Variants in CADM2 observed in about 807,000 individuals in gnomAD.
CADM2 encodes cell adhesion molecule 2, also known as immunoglobulin superfamily member 4D.
Under a neutral mutation model 49.8 loss-of-function variants are expected in CADM2, and 12 were observed. That is an observed-to-expected ratio of 0.24 (90% CI 0.15 to 0.39). The LOEUF is 0.39. Among genes scored for constraint, CADM2 ranks in the 10% least tolerant of loss-of-function variants. The pLI, the probability that CADM2 is intolerant of heterozygous loss-of-function variation, is 1.00. For missense variants in CADM2, 378 were observed against 492.3 expected, an observed-to-expected ratio of 0.77 and a Z score of 2.20; for synonymous variants, 214 against 175.4, an observed-to-expected ratio of 1.22 and a Z score of -1.74.
At chr3:85,530,867 TACACACACACACACACAC>T (rs71617940) in intron 1 of CADM2, among the ~76,000 whole-genome samples, 5 of 136,936 alleles carry the variant, frequency 3.7e-5, no homozygotes, top group South Asian at 4.9e-4. Flanking sequence ...TATGTAAAAA[TACACACACACACACACAC>T]ACACACACAC....
At chr3:85,720,599 A>C (rs1056914213) in intron 1 of CADM2, among the ~76,000 whole-genome samples, 3 of 152,188 alleles carry the variant, frequency 2.0e-5, no homozygotes, top group Non-Finnish European at 4.4e-5. Flanking sequence ...GAAAAAATAA[A>C]AACTAGTGAA....
intron 1 of CADM2, among the ~76,000 whole-genome samples, chr3:85,039,368 A>ATT (rs11348826): frequency 1.4e-5 from 2 of 145,904 alleles, no homozygotes; most frequent in African/African-American, 5.0e-5. Flanking sequence ...AAGATAATGT[A>ATT]TTTTTTTTTT....
intron 1 of CADM2, among the ~76,000 whole-genome samples, chr3:85,530,995 A>G (rs1298975017): frequency 6.6e-6 from 1 of 151,998 alleles, no homozygotes; most frequent in Non-Finnish European, 1.5e-5. Flanking sequence ...GAGTTTTAAA[A>G]TACCCTCTCC....
At chr3:85,189,807 A>G (rs1297005607) in intron 1 of CADM2, among the ~76,000 whole-genome samples, 1 of 152,172 alleles carries the variant, frequency 6.6e-6, no homozygotes, top group Non-Finnish European at 1.5e-5. Context: ...TAACTGAAGA[A>G]AGATCTACTT....
At chr3:85,415,306 C>T (rs961652182) in intron 1 of CADM2, among the ~76,000 whole-genome samples, 4 of 151,802 alleles carry the variant, frequency 2.6e-5, no homozygotes, top group Non-Finnish European at 4.4e-5. Flanking sequence ...CCGGGTTCCC[C>T]TACTCGGGAA....
At chr3:85,195,156 C>A (rs535528787) in intron 1 of CADM2, among the ~76,000 whole-genome samples, 1 of 152,118 alleles carries the variant, frequency 6.6e-6, no homozygotes, top group African/African-American at 2.4e-5. Context: ...TGTCAAGAGG[C>A]AACATGATGT....
At chr3:85,349,402 G>C (rs1306404791) in intron 1 of CADM2, among the ~76,000 whole-genome samples, 1 of 152,084 alleles carries the variant, frequency 6.6e-6, no homozygotes, top group Non-Finnish European at 1.5e-5. Context: ...CAATTTCAGG[G>C]TATTATTGTT....
At chr3:86,023,725 A>G (rs1472018016) in intron 8 of CADM2, among the ~76,000 whole-genome samples, 3 of 152,092 alleles carry the variant, frequency 2.0e-5, no homozygotes, top group Admixed American at 2.0e-4. Context: ...TGCAACACCT[A>G]TCTTCCATGG....
chr3:85,337,159 A>G (rs1362801482), intron 1 of CADM2, among the ~76,000 whole-genome samples: 1 of 149,674 alleles, frequency 6.7e-6, no homozygotes, highest in Non-Finnish European at 1.5e-5. Context: ...TTGCTTTTAA[A>G]GCTCCTTCTC....
At chr3:85,301,113 T>A (rs1486473637) in intron 1 of CADM2, among the ~76,000 whole-genome samples, 1 of 151,868 alleles carries the variant, frequency 6.6e-6, no homozygotes, top group Non-Finnish European at 1.5e-5. Flanking sequence ...ATATGCAAAG[T>A]GGATATGGAA....
chr3:85,031,418 G>A (rs1227625742), intron 1 of CADM2, among the ~76,000 whole-genome samples: 1 of 152,094 alleles, frequency 6.6e-6, no homozygotes, highest in Non-Finnish European at 1.5e-5. Flanking sequence ...TGTGGATCCT[G>A]GAACTTAATC....
At chr3:85,372,955 G>T (rs936080895) in intron 1 of CADM2, among the ~76,000 whole-genome samples, 4 of 152,084 alleles carry the variant, frequency 2.6e-5, no homozygotes. Flanking sequence ...GACACATGGG[G>T]ATTATGGGAG....
intron 2 of CADM2, among the ~76,000 whole-genome samples, chr3:85,727,355 C>G (rs1217026232): frequency 2.6e-5 from 4 of 151,910 alleles, no homozygotes; most frequent in Non-Finnish European, 5.9e-5. Context: ...TTAACTATTC[C>G]CTATTTATAA....
chr3:85,578,099 G>C (rs1385290144), intron 1 of CADM2, among the ~76,000 whole-genome samples: 1 of 148,906 alleles, frequency 6.7e-6, no homozygotes. Context: ...TTTTGAGGCA[G>C]AGTTTCACTC....
chr3:85,081,841 G>A (rs2037176536), intron 1 of CADM2, among the ~76,000 whole-genome samples: 1 of 152,128 alleles, frequency 6.6e-6, no homozygotes, highest in Admixed American at 6.6e-5. Flanking sequence ...AAGAAGGAAT[G>A]TTTTCAAATA....
chr3:84,971,137 A>T (rs1229648239), intron 1 of CADM2, among the ~76,000 whole-genome samples: 1 of 152,140 alleles, frequency 6.6e-6, no homozygotes, highest in East Asian at 1.9e-4. Context: ...TCAGTTTGTT[A>T]TAAGAAAGAA....
At chr3:85,646,506 TCATA>T (rs930755798) in intron 1 of CADM2, among the ~76,000 whole-genome samples, 7 of 152,006 alleles carry the variant, frequency 4.6e-5, no homozygotes, top group Admixed American at 2.0e-4. Context: ...ATTCACTGTT[TCATA>T]CAGTCATATC....
chr3:85,307,928 C>A (rs201621654), intron 1 of CADM2, among the ~76,000 whole-genome samples: 1 of 144,258 alleles, frequency 6.9e-6, no homozygotes, highest in African/African-American at 2.7e-5. Context: ...AAAACTGTAC[C>A]CCCAGAAAAA....
intron 1 of CADM2, among the ~76,000 whole-genome samples, chr3:85,561,816 T>C (rs2062103940): frequency 1.3e-5 from 2 of 152,194 alleles, no homozygotes; most frequent in Non-Finnish European, 2.9e-5. Context: ...TTTTCGTTGA[T>C]CTAATTTAAG....
Sources: allele counts gnomAD v4.1 joint callset (sites outside exome capture counted in the v4.1 genomes callset), GRCh38; gene constraint gnomAD v4.1.1; transcripts MANE v1.5; gene names NCBI Gene and HGNC (gene_info 2026-07-23, HGNC 2026-07-21).